The following MEIG1 variants were observed in gnomAD, a reference collection of about 807,000 sequenced individuals.
MEIG1 encodes the protein meiosis/spermiogenesis associated 1.
MEIG1 carries 12 observed loss-of-function variants against 11.3 expected under a neutral mutation model. That is an observed-to-expected ratio of 1.07 (90% CI 0.68 to 1.73). MEIG1 has a LOEUF of 1.73. Ranked by LOEUF, MEIG1 falls within the 40% of genes most tolerant of loss-of-function variation. MEIG1 has a pLI of 0.00. For missense variants in MEIG1, 119 were observed against 104.9 expected, an observed-to-expected ratio of 1.13 and a Z score of -0.59; for synonymous variants, 41 against 33.2, an observed-to-expected ratio of 1.24 and a Z score of -0.81.
At chr10:14,961,551 A>G (rs1589203104) in intron 1 of MEIG1, among the ~76,000 whole-genome samples, 1 of 150,572 alleles carries the variant, frequency 6.6e-6, no homozygotes, top group Non-Finnish European at 1.5e-5. Context: ...GCTCACCGCA[A>G]CCTCCGTCTC....
downstream of MEIG1, among the ~76,000 whole-genome samples, chr10:14,976,510 A>G (rs1247373174): frequency 6.6e-6 from 1 of 151,972 alleles, no homozygotes; most frequent in Non-Finnish European, 1.5e-5. Flanking sequence ...CTCTTATGTC[A>G]CAGGGTTTGT....
At chr10:14,959,225 C>T (rs77378158), upstream of MEIG1, among the ~76,000 whole-genome samples, 5,593 of 152,278 alleles carry the variant, frequency 0.037, 180 homozygotes, top group Middle Eastern at 0.075. Context: ...CAGGGGTGAG[C>T]CCTGGCAGCG....
chr10:14,968,620 G>C (rs4748118), intron 2 of MEIG1, among the ~76,000 whole-genome samples: 97,533 of 152,056 alleles, frequency 0.64, 31,592 homozygotes, highest in Admixed American at 0.69. Flanking sequence ...GTTAACAATA[G>C]AATTTAAAAT....
intron 2 of MEIG1, among the ~76,000 whole-genome samples, chr10:14,967,832 C>CT (rs11373108): frequency 0.64 from 97,404 of 151,882 alleles, 31,548 homozygotes; most frequent in Admixed American, 0.68. Flanking sequence ...CATGACAAAC[C>CT]TTTTCTTAAT....
At chr10:14,977,596 C>T (rs1049415193), downstream of MEIG1, among the ~76,000 whole-genome samples, 83 of 151,672 alleles carry the variant, frequency 5.5e-4, no homozygotes, top group African/African-American at 1.9e-3. Flanking sequence ...ACATGGGGTA[C>T]ACCCACTGGG....
At chr10:14,980,715 T>A (rs1843254357) in intron 1 of MEIG1, among the ~76,000 whole-genome samples, 2 of 152,098 alleles carry the variant, frequency 1.3e-5, no homozygotes, top group African/African-American at 4.8e-5. Flanking sequence ...AGCCAACGCC[T>A]CACCGAAGAT....
intron 2 of MEIG1, among the ~76,000 whole-genome samples, chr10:14,969,041 G>A (rs1446876521): frequency 2.0e-5 from 3 of 152,024 alleles, no homozygotes; most frequent in African/African-American, 7.3e-5. Context: ...TCACGCCATT[G>A]CACTCCAGCC....
At chr10:14,959,336 C>A (rs1449227946), upstream of MEIG1, 1 of 152,370 alleles carries the variant, frequency 6.6e-6, no homozygotes, top group Non-Finnish European at 1.5e-5. Flanking sequence ...GGGGCCTGAG[C>A]TAGCTGGGCG....
chr10:14,980,284 T>A (rs1843250689), intron 1 of MEIG1, among the ~76,000 whole-genome samples: 1 of 152,120 alleles, frequency 6.6e-6, no homozygotes, highest in Non-Finnish European at 1.5e-5. Flanking sequence ...ACTCCTTATG[T>A]CACAGCGGTG....
chr10:14,983,921 C>A (rs569949663), intron 1 of MEIG1, among the ~76,000 whole-genome samples: 3 of 151,968 alleles, frequency 2.0e-5, no homozygotes, highest in Non-Finnish European at 4.4e-5. Context: ...ATGGGGTGGA[C>A]ATGCCCCCAG....
At chr10:14,956,770 G>A (rs1842957592), upstream of MEIG1, among the ~76,000 whole-genome samples, 1 of 151,968 alleles carries the variant, frequency 6.6e-6, no homozygotes, top group Non-Finnish European at 1.5e-5. Context: ...GAGCAAAGTA[G>A]ACAAAAAATG....
rs186928439 is a variant in MEIG1 at position 14,981,543 on chromosome 10, G to A, written n.67-5253G>A. ...TTTTGGATAAGGGGGCGACCGGGGC[G>A]GTTACTAGCGAATGTTCAGCACCGG... On this transcript the variant is annotated intron_variant and non_coding_transcript_variant, in intron 1 of 2. Coordinates refer to the MEIG1 transcript ENST00000467536. Among the ~76,000 whole-genome samples, 276 of 152,158 alleles carry A rather than the reference G, an allele frequency of 1.8e-3. 1 individual carries two copies. The highest frequency in any genetic ancestry group is 3.0e-3 in the Non-Finnish European group (207 of 67,996).
chr10:14,979,364 G>T (rs139518748), intron 1 of MEIG1, among the ~76,000 whole-genome samples: 422 of 151,102 alleles, frequency 2.8e-3, no homozygotes, highest in African/African-American at 1.0e-2. Flanking sequence ...ATATTATTCG[G>T]AATATTCCAG....
chr10:14,955,152 G>A (rs937940776), upstream of MEIG1, among the ~76,000 whole-genome samples: 1 of 152,090 alleles, frequency 6.6e-6, no homozygotes. Flanking sequence ...GGCTGGTCTC[G>A]AGCTCCTGGC....
chr10:14,978,273 T>C (rs573201987), intron 1 of MEIG1, among the ~76,000 whole-genome samples: 2 of 152,088 alleles, frequency 1.3e-5, no homozygotes, highest in African/African-American at 4.8e-5. Context: ...TCACATTGGG[T>C]GTAGACACAT....
intron 2 of MEIG1, among the ~76,000 whole-genome samples, chr10:14,966,879 G>A (rs1036011430): frequency 3.9e-5 from 6 of 152,038 alleles, no homozygotes; most frequent in East Asian, 1.9e-4. Context: ...GATCACAGGC[G>A]TGCACCACCA....
downstream of MEIG1, among the ~76,000 whole-genome samples, chr10:14,975,793 A>T (rs4317885): frequency 1.3e-5 from 2 of 151,776 alleles, no homozygotes; most frequent in Non-Finnish European, 2.9e-5. Flanking sequence ...ATCGCATGGG[A>T]TGGACACGCC....
At chr10:14,956,974 G>C (rs931648390), upstream of MEIG1, among the ~76,000 whole-genome samples, 6 of 152,166 alleles carry the variant, frequency 3.9e-5, no homozygotes, top group Non-Finnish European at 8.8e-5. Context: ...AGAATCACTT[G>C]AACCTGGAGG....
upstream of MEIG1, among the ~76,000 whole-genome samples, chr10:14,959,127 G>A (rs1445321122): frequency 6.6e-6 from 1 of 152,202 alleles, no homozygotes; most frequent in Non-Finnish European, 1.5e-5. Flanking sequence ...TACAAACACA[G>A]TCTCCGTGCT....
Sources: allele counts gnomAD v4.1 joint callset (sites outside exome capture counted in the v4.1 genomes callset), GRCh38; gene constraint gnomAD v4.1.1; transcripts MANE v1.5; gene names NCBI Gene and HGNC (gene_info 2026-07-23, HGNC 2026-07-21).